Variants in ANKS1B observed in about 807,000 individuals in gnomAD.
The protein encoded by ANKS1B is ankyrin repeat and sterile alpha motif domain-containing protein 1B.
ANKS1B carries 36 observed loss-of-function variants against 148.3 expected under a neutral mutation model. That is an observed-to-expected ratio of 0.24 (90% CI 0.19 to 0.32). ANKS1B has a LOEUF of 0.32. Ranked by LOEUF, ANKS1B falls within the 10% of genes least tolerant of loss-of-function variation. ANKS1B has a pLI of 1.00. For synonymous variants in ANKS1B, 542 were observed against 560.8 expected, an observed-to-expected ratio of 0.97 and a Z score of 0.47; for missense variants, 1,157 against 1,542.6, an observed-to-expected ratio of 0.75 and a Z score of 4.19.
chr12:99,388,441 T>A (rs2093954366), intron 12 of ANKS1B, among the ~76,000 whole-genome samples: 1 of 152,158 alleles, frequency 6.6e-6, no homozygotes, highest in African/African-American at 2.4e-5. Context: ...TATTGTGTAA[T>A]CTCAAAAAGA....
At chr12:99,715,744 G>C (rs1359920551) in intron 8 of ANKS1B, among the ~76,000 whole-genome samples, 1 of 152,066 alleles carries the variant, frequency 6.6e-6, no homozygotes. Flanking sequence ...ATTTTAAATC[G>C]GGTAAGCAGC....
intron 12 of ANKS1B, among the ~76,000 whole-genome samples, chr12:99,360,988 G>T (rs2092416208): frequency 6.6e-6 from 1 of 151,942 alleles, no homozygotes; most frequent in Non-Finnish European, 1.5e-5. Flanking sequence ...CGGGGAGGTG[G>T]GGATGGTTAA....
At chr12:99,374,982 C>A (rs571713094) in intron 12 of ANKS1B, among the ~76,000 whole-genome samples, 1 of 152,088 alleles carries the variant, frequency 6.6e-6, no homozygotes, top group South Asian at 2.1e-4. Context: ...GTAATAATGA[C>A]GGCTACCTCC....
chr12:99,019,270 C>T (rs2099944354), intron 17 of ANKS1B, among the ~76,000 whole-genome samples: 1 of 152,148 alleles, frequency 6.6e-6, no homozygotes, highest in African/African-American at 2.4e-5. Context: ...TATAAGGACG[C>T]TTTCTGATTT....
intron 8 of ANKS1B, among the ~76,000 whole-genome samples, chr12:99,667,071 T>G (rs2098512045): frequency 6.6e-6 from 1 of 152,016 alleles, no homozygotes; most frequent in African/African-American, 2.4e-5. Flanking sequence ...TTCAGCTGAG[T>G]GCAGTGGTTC....
intron 10 of ANKS1B, among the ~76,000 whole-genome samples, chr12:99,465,788 T>A (rs1370308279): frequency 1.3e-5 from 2 of 152,126 alleles, no homozygotes; most frequent in Non-Finnish European, 2.9e-5. Flanking sequence ...CCCAGATTCA[T>A]AAAGCAAGTC....
chr12:99,682,591 G>A (rs1042395077), intron 8 of ANKS1B, among the ~76,000 whole-genome samples: 2 of 151,960 alleles, frequency 1.3e-5, no homozygotes, highest in African/African-American at 4.8e-5. Flanking sequence ...CAAACCTCTG[G>A]GATACAGCAA....
chr12:98,737,621 A>G (rs2097779906), intron 9 of ANKS1B, among the ~76,000 whole-genome samples: 2 of 152,220 alleles, frequency 1.3e-5, no homozygotes, highest in Non-Finnish European at 2.9e-5. Flanking sequence ...GAATTTGCCC[A>G]CGTGTTCATA....
chr12:99,315,123 G>C (rs913544441), intron 12 of ANKS1B, among the ~76,000 whole-genome samples: 1 of 151,572 alleles, frequency 6.6e-6, no homozygotes, highest in African/African-American at 2.4e-5. Context: ...CATGCCTGTA[G>C]TCCCAGCTAC....
At chr12:99,071,165 C>CT (rs2046151178) in intron 16 of ANKS1B, among the ~76,000 whole-genome samples, 2 of 152,210 alleles carry the variant, frequency 1.3e-5, no homozygotes, top group African/African-American at 4.8e-5. Context: ...ATTGGTCTGA[C>CT]TTCCTTTGCT....
chr12:99,181,725 C>T (rs997179082), intron 14 of ANKS1B, among the ~76,000 whole-genome samples: 1 of 151,892 alleles, frequency 6.6e-6, no homozygotes, highest in Non-Finnish European at 1.5e-5. Context: ...TACAGGCATA[C>T]AATGTGTAAT....
At chr12:98,915,623 G>C (rs560059203) in intron 17 of ANKS1B, among the ~76,000 whole-genome samples, 1 of 152,258 alleles carries the variant, frequency 6.6e-6, no homozygotes, top group Non-Finnish European at 1.5e-5. Context: ...ATAGTGCTGG[G>C]ATTACAGGCA....
chr12:99,463,572 A>G (rs1359581403), intron 10 of ANKS1B, among the ~76,000 whole-genome samples: 1 of 152,174 alleles, frequency 6.6e-6, no homozygotes, highest in Non-Finnish European at 1.5e-5. Context: ...CTGGAAAATC[A>G]GGTCACTCCC....
At chr12:99,674,839 A>C (rs1269759720) in intron 8 of ANKS1B, among the ~76,000 whole-genome samples, 1 of 151,884 alleles carries the variant, frequency 6.6e-6, no homozygotes, top group Non-Finnish European at 1.5e-5. Context: ...AAACACGTGA[A>C]AACTTTGGAA....
chr12:98,754,678 A>G (rs977341303), intron 25 of ANKS1B, among the ~76,000 whole-genome samples: 12 of 152,358 alleles, frequency 7.9e-5, no homozygotes, highest in Middle Eastern at 6.8e-3. Context: ...AGATCTACTT[A>G]AAGCTCCAGG....
intron 15 of ANKS1B, among the ~76,000 whole-genome samples, chr12:99,111,737 C>A (rs1044729462): frequency 5.3e-5 from 8 of 151,936 alleles, no homozygotes; most frequent in Admixed American, 3.3e-4. Flanking sequence ...AGGAAGTGGG[C>A]TGAGTTTTCT....
intron 1 of ANKS1B, among the ~76,000 whole-genome samples, chr12:99,894,819 T>G: frequency 6.7e-6 from 1 of 149,834 alleles, no homozygotes; most frequent in African/African-American, 2.4e-5. Context: ...ATATAATAAA[T>G]ATCCAACAAT....
intron 8 of ANKS1B, among the ~76,000 whole-genome samples, chr12:99,685,347 T>C (rs777368875): frequency 9.2e-5 from 14 of 152,122 alleles, no homozygotes; most frequent in Non-Finnish European, 1.8e-4. Flanking sequence ...ACATCACTAA[T>C]GATCAGGGAA....
chr12:99,227,958 C>T (rs1457776072), intron 14 of ANKS1B, among the ~76,000 whole-genome samples: 3 of 151,932 alleles, frequency 2.0e-5, no homozygotes, highest in African/African-American at 7.2e-5. Flanking sequence ...GATGATCTGG[C>T]AATATCCCTA....
Sources: gnomAD v4.1 joint callset for allele counts (sites outside exome capture counted in the v4.1 genomes callset) on GRCh38, gnomAD v4.1.1 for gene constraint, MANE v1.5 for transcripts, NCBI Gene and HGNC (gene_info 2026-07-23, HGNC 2026-07-21) for gene names.